Variants in WARS1 observed in about 807,000 individuals in gnomAD.
WARS1 encodes tryptophanyl-tRNA synthetase 1.
WARS1 carries 17 observed loss-of-function variants against 47.8 expected under a neutral mutation model. The observed-to-expected ratio is 0.36, with a 90% confidence interval of 0.24 to 0.53. The LOEUF (loss-of-function observed/expected upper bound fraction) is 0.53, where lower values mean the gene tolerates loss of function less well. Ranked by LOEUF, WARS1 falls within the 20% of genes least tolerant of loss-of-function variation. WARS1 has a pLI of 0.91. For missense variants in WARS1, 434 were observed against 608.0 expected, an observed-to-expected ratio of 0.71 and a Z score of 3.01; for synonymous variants, 208 against 228.1, an observed-to-expected ratio of 0.91 and a Z score of 0.79.
At chr14:100,342,938 G>A (rs983804707) in intron 8 of WARS1, among the ~76,000 whole-genome samples, 8 of 151,700 alleles carry the variant, frequency 5.3e-5, no homozygotes, top group Non-Finnish European at 7.4e-5. Flanking sequence ...TTGCTCTGTC[G>A]CCCAGGCTAG....
chr14:100,374,087 A>C (rs538945770), intron 1 of WARS1: 1 of 152,338 alleles, frequency 6.6e-6, no homozygotes, highest in African/African-American at 2.4e-5. Flanking sequence ...TAATGCTTGC[A>C]AGTACATTGG....
intron 6 of WARS1, among the ~76,000 whole-genome samples, chr14:100,350,226 T>G (rs1894879145): frequency 6.6e-6 from 1 of 151,788 alleles, no homozygotes; most frequent in African/African-American, 2.4e-5. Flanking sequence ...ACTCCGTTTC[T>G]ACTAAAAATA....
Position 100,343,401 on chromosome 14 carries a change from A to G in WARS1, c.827-14T>C. ...AACTGATCTTCCCTGAAAATGAGAA[A>G]AAGTATTTTTACACGTGAGATGAGT... On this transcript the variant is annotated splice_polypyrimidine_tract_variant and intron_variant, in intron 7 of 10. Transcript: ENST00000392882. 1.9e-6 allele frequency: 3 copies of G among 1,602,046 alleles called. No individual in the cohort carries two copies. Among genetic ancestry groups the G allele is most frequent in the South Asian group, 1.1e-5 (1 of 90,062 alleles).
rs1311326051 is a variant in WARS1 at position 100,345,474 on chromosome 14, AAG to A, written c.826+1270_826+1271del. Among the ~76,000 whole-genome samples the A allele has an allele frequency of 9.2e-5, 14 of 152,010 alleles. No homozygotes were observed. The East Asian group carries it at 2.3e-3, about 25-fold the overall frequency. ...GATGCTTGAAGGCAGCATGCTCGTT[AAG>A]AGTCATCACCACTCCCTAATCTCAA... is the stretch of plus-strand genomic sequence containing the variant. On this transcript the variant is annotated intron_variant, in intron 7 of 10. Coordinates refer to ENST00000392882, the MANE Select transcript of WARS1 (RefSeq NM_004184.4).
rs576949032 is a variant in WARS1, at chr14:100,355,513, G to A, written c.423-947C>T. Among the ~76,000 whole-genome samples, 10 of 152,220 alleles carry A rather than the reference G, an allele frequency of 6.6e-5. No homozygotes were observed. In the East Asian group the frequency reaches 1.4e-3, roughly 21 times the overall value. ...TGGGATTACAGGTGTGAGCCACTGC[G>A]CCTGGCCGGGAATTTGTATTTTTAA... On this transcript the variant is annotated intron_variant, in intron 4 of 10. Transcript: ENST00000392882.
chr14:100,361,012 T>C (rs1052995294), intron 3 of WARS1, among the ~76,000 whole-genome samples: 2 of 151,660 alleles, frequency 1.3e-5, no homozygotes, highest in African/African-American at 4.9e-5. Context: ...TATATATATA[T>C]TTGTTTATTA....
chr14:100,349,382 C>T (rs1285707930), intron 6 of WARS1, among the ~76,000 whole-genome samples: 1 of 152,156 alleles, frequency 6.6e-6, no homozygotes, highest in African/African-American at 2.4e-5. Context: ...CCTGCTGTAC[C>T]CCCACCATGA....
At chr14:100,357,782 T>A (rs180847771) in intron 4 of WARS1, among the ~76,000 whole-genome samples, 9 of 152,132 alleles carry the variant, frequency 5.9e-5, no homozygotes, top group Non-Finnish European at 1.0e-4. Flanking sequence ...TTCTATATAG[T>A]AGCAATGAAC....
intron 9 of WARS1, among the ~76,000 whole-genome samples, chr14:100,339,609 A>G (rs911171511): frequency 6.7e-6 from 1 of 149,144 alleles, no homozygotes. Context: ...AAAAAAAAAA[A>G]GGAAAAAAAA....
chr14:100,367,588 G>C, intron 2 of WARS1, among the ~76,000 whole-genome samples: 1 of 143,400 alleles, frequency 7.0e-6, no homozygotes, highest in Admixed American at 6.9e-5. Context: ...ATTCCATCTC[G>C]GGGGGCGGGG....
intron 7 of WARS1, among the ~76,000 whole-genome samples, chr14:100,345,539 T>C (rs994973176): frequency 2.4e-4 from 36 of 151,676 alleles, no homozygotes; most frequent in African/African-American, 8.0e-4. Context: ...GGCCGCAGGG[T>C]CCTCTGCCTA....
In WARS1 at chr14:100,369,130, T is replaced by C. The variant is rs1595462429; in HGVS notation, c.56A>G (p.Gln19Arg). The change falls in exon 2 of 11, where the codon CAA (glutamine) becomes CGA (arginine). Residue 19 changes from glutamine to arginine, a missense_variant. Physicochemically the swap from Gln to Arg is conservative, Grantham distance 43. Coordinates refer to ENST00000392882, the MANE Select transcript of WARS1 (RefSeq NM_004184.4). Reference sequence around the variant, plus strand: ...TTTGAGGGACCTTACGAGCTCCCCTTGTGTGGCGATGCTGTTGAACAGCTC... The same window carrying C: ...TTTGAGGGACCTTACGAGCTCCCCTCGTGTGGCGATGCTGTTGAACAGCTC... The part of the protein sequence containing the change: ...LLELFNSIAT[Q>R]GELVRSLKAG... 6.4e-7 allele frequency: 1 copy of C among 1,572,282 alleles called. No homozygotes were observed. The highest frequency in any genetic ancestry group is 8.7e-7 in the Non-Finnish European group (1 of 1,150,702).
intron 10 of WARS1, among the ~76,000 whole-genome samples, chr14:100,335,866 C>T (rs1177837721): frequency 2.0e-5 from 3 of 152,114 alleles, no homozygotes; most frequent in Non-Finnish European, 4.4e-5. Flanking sequence ...ACATTTCTTT[C>T]CCTGTGCATT....
chr14:100,370,560 G>A (rs1018761022), intron 1 of WARS1: 9 of 152,198 alleles, frequency 5.9e-5, no homozygotes, highest in African/African-American at 2.2e-4. Context: ...GCTAGTGCCT[G>A]AGCTGCTAAC....
At chr14:100,364,126 C>T (rs1259465362) in intron 2 of WARS1, among the ~76,000 whole-genome samples, 1 of 152,104 alleles carries the variant, frequency 6.6e-6, no homozygotes, top group Non-Finnish European at 1.5e-5. Context: ...AGTGAGGTGC[C>T]TGCTTGTGCT....
At chr14:100,356,427 C>T (rs1246387946) in intron 4 of WARS1, among the ~76,000 whole-genome samples, 2 of 148,596 alleles carry the variant, frequency 1.3e-5, no homozygotes, top group Non-Finnish European at 3.0e-5. Context: ...AAAGAGAAGA[C>T]TCAAACGGCC....
intron 7 of WARS1, among the ~76,000 whole-genome samples, chr14:100,344,784 G>A (rs993057717): frequency 6.6e-6 from 1 of 151,176 alleles, no homozygotes; most frequent in Non-Finnish European, 1.5e-5. Flanking sequence ...GACCCCATCC[G>A]GGAGGTGAGG....
intron 4 of WARS1, among the ~76,000 whole-genome samples, chr14:100,359,704 A>G (rs561407043): frequency 3.0e-4 from 45 of 152,316 alleles, no homozygotes; most frequent in African/African-American, 8.9e-4. Flanking sequence ...AATGTTTTGG[A>G]ATTAGATAGT....
At chr14:100,352,517 C>T (rs565214290) in intron 6 of WARS1, among the ~76,000 whole-genome samples, 12 of 152,302 alleles carry the variant, frequency 7.9e-5, no homozygotes, top group African/African-American at 2.9e-4. Flanking sequence ...CCTTTAGTGT[C>T]CCTCTTATCC....
Sources: allele counts gnomAD v4.1 joint callset (sites outside exome capture counted in the v4.1 genomes callset), GRCh38; gene constraint gnomAD v4.1.1; transcripts MANE v1.5; gene names NCBI Gene and HGNC (gene_info 2026-07-23, HGNC 2026-07-21).